The following SEMA3A variants were observed in gnomAD, a reference collection of about 807,000 sequenced individuals.
The protein encoded by SEMA3A is semaphorin 3A.
In SEMA3A, 29 loss-of-function variants were observed where a neutral mutation model predicts 97.9. That is an observed-to-expected ratio of 0.30 (90% CI 0.22 to 0.40). The LOEUF (loss-of-function observed/expected upper bound fraction) is 0.40, where lower values mean the gene tolerates loss of function less well. Among genes scored for constraint, SEMA3A ranks in the 10% least tolerant of loss-of-function variants. SEMA3A has a pLI of 1.00. For missense variants in SEMA3A, 763 were observed against 951.3 expected (o/e 0.80, Z 2.60); for synonymous variants, 321 against 323.7 (o/e 0.99, Z 0.09).
chr7:84,478,492 TA>T (rs1229689256), intron 1 of SEMA3A, among the ~76,000 whole-genome samples: 2 of 152,246 alleles, frequency 1.3e-5, no homozygotes, highest in South Asian at 4.1e-4. Context: ...AACCATGATA[TA>T]AAAAATACAA....
At chr7:84,159,985 G>A (rs2116159612) in intron 1 of SEMA3A, among the ~76,000 whole-genome samples, 1 of 152,190 alleles carries the variant, frequency 6.6e-6, no homozygotes, top group South Asian at 2.1e-4. Flanking sequence ...TTTCACACCA[G>A]AAGGAATAAA....
At chr7:84,322,271 T>C (rs1228873848) in intron 2 of SEMA3A, among the ~76,000 whole-genome samples, 3 of 152,034 alleles carry the variant, frequency 2.0e-5, no homozygotes, top group Admixed American at 6.6e-5. Flanking sequence ...ACTTACTCCA[T>C]AGTGTTGTGA....
intron 12 of SEMA3A, among the ~76,000 whole-genome samples, chr7:83,986,942 T>C (rs1789656072): frequency 6.8e-6 from 1 of 148,098 alleles, no homozygotes; most frequent in African/African-American, 2.5e-5. Flanking sequence ...AAATCTCTCT[T>C]TCCTCTCTTC....
rs370391267 is a variant in SEMA3A at position 84,007,341 on chromosome 7, T to G, written c.1140+12A>C. 505 of 1,588,940 alleles carry G rather than the reference T, an allele frequency of 3.2e-4. No individual in the cohort carries two copies. Among genetic ancestry groups the G allele is most frequent in the Non-Finnish European group, 4.1e-4 (474 of 1,168,472 alleles). Reference sequence around the variant, plus strand: ...ATATTCATTTCATATTTTAAACACCTAAGCTACTTACAGTTCCTGGCCGTG... The same window carrying G: ...ATATTCATTTCATATTTTAAACACCGAAGCTACTTACAGTTCCTGGCCGTG... On this transcript the variant is annotated intron_variant, in intron 10 of 16. Coordinates refer to ENST00000265362, the MANE Select transcript of SEMA3A (RefSeq NM_006080.3).
In SEMA3A at chr7:83,994,691, G is replaced by A. The variant is rs542331801; in HGVS notation, c.1452+7264C>T. 3.8e-3 allele frequency among the ~76,000 whole-genome samples: 570 copies of A among 148,464 alleles called. 8 individuals are homozygous for A. Among genetic ancestry groups the A allele is most frequent in the African/African-American group, 0.014 (546 of 39,984 alleles). ...TGCCCGTTCTCAGATCTCCAGCTGC[G>A]TGCTGGGAGAACCACTGCTCTCTTC... On this transcript the variant is annotated intron_variant, in intron 12 of 16. Transcript: ENST00000265362.
intron 1 of SEMA3A, among the ~76,000 whole-genome samples, chr7:84,423,773 C>T (rs1348123278): frequency 1.3e-5 from 2 of 151,688 alleles, no homozygotes; most frequent in African/African-American, 4.8e-5. Context: ...GGAATAACAT[C>T]CAGAATCTAC....
intron 13 of SEMA3A, among the ~76,000 whole-genome samples, chr7:83,983,088 T>C (rs915160495): frequency 1.3e-5 from 2 of 152,094 alleles, no homozygotes; most frequent in Non-Finnish European, 2.9e-5. Flanking sequence ...TTTATTATAG[T>C]ATTGAATTTT....
At chr7:83,997,672 A>G (rs919647401) in intron 12 of SEMA3A, among the ~76,000 whole-genome samples, 1 of 152,180 alleles carries the variant, frequency 6.6e-6, no homozygotes, top group African/African-American at 2.4e-5. Flanking sequence ...TAAAGTCCTA[A>G]ACAAGCATTT....
At chr7:84,039,862 C>G (rs913472312) in intron 6 of SEMA3A, among the ~76,000 whole-genome samples, 1 of 151,858 alleles carries the variant, frequency 6.6e-6, no homozygotes, top group Non-Finnish European at 1.5e-5. Context: ...GACACAATTT[C>G]TAGGTATAAT....
At chr7:84,372,466 T>C (rs1023075230) in intron 1 of SEMA3A, among the ~76,000 whole-genome samples, 2 of 152,082 alleles carry the variant, frequency 1.3e-5, no homozygotes, top group African/African-American at 4.8e-5. Flanking sequence ...ACAGTTATCA[T>C]GCTTATGTGA....
At chr7:84,254,796 A>C (rs1053562567) in intron 3 of SEMA3A, among the ~76,000 whole-genome samples, 3 of 152,112 alleles carry the variant, frequency 2.0e-5, no homozygotes, top group African/African-American at 7.2e-5. Flanking sequence ...TGACTTTTAT[A>C]ATCATGGATT....
intron 3 of SEMA3A, among the ~76,000 whole-genome samples, chr7:84,291,456 A>T (rs1800743915): frequency 6.6e-6 from 1 of 152,076 alleles, no homozygotes; most frequent in Admixed American, 6.6e-5. Context: ...AATTTATTTT[A>T]CTGAATTCCT....
intron 3 of SEMA3A, among the ~76,000 whole-genome samples, chr7:84,213,796 T>C (rs1367875650): frequency 6.6e-6 from 1 of 152,232 alleles, no homozygotes; most frequent in African/African-American, 2.4e-5. Context: ...TAATTTATTA[T>C]GCTTGTCTTA....
At chr7:84,464,871 A>G (rs914977265) in intron 1 of SEMA3A, among the ~76,000 whole-genome samples, 1 of 152,178 alleles carries the variant, frequency 6.6e-6, no homozygotes, top group Non-Finnish European at 1.5e-5. Context: ...AATCAGGAGC[A>G]TGTATTCCTA....
At chr7:83,990,698 A>T (rs1192147625) in intron 12 of SEMA3A, among the ~76,000 whole-genome samples, 1 of 123,846 alleles carries the variant, frequency 8.1e-6, no homozygotes, top group Non-Finnish European at 1.7e-5. Flanking sequence ...TGGTACCAGT[A>T]CCATGCTGTT....
At chr7:84,401,091 G>C (rs1174154241) in intron 1 of SEMA3A, among the ~76,000 whole-genome samples, 1 of 152,156 alleles carries the variant, frequency 6.6e-6, no homozygotes, top group Non-Finnish European at 1.5e-5. Context: ...TGTCCTTGCA[G>C]ATGACATTAT....
At chr7:84,461,224 T>C (rs968208951) in intron 1 of SEMA3A, among the ~76,000 whole-genome samples, 1 of 152,286 alleles carries the variant, frequency 6.6e-6, no homozygotes, top group East Asian at 1.9e-4. Flanking sequence ...ATGTTCTTAG[T>C]AAGCAGTCTG....
At chr7:84,254,252 A>G (rs1022998453) in intron 3 of SEMA3A, among the ~76,000 whole-genome samples, 3 of 152,204 alleles carry the variant, frequency 2.0e-5, no homozygotes, top group African/African-American at 7.2e-5. Flanking sequence ...GATGAGGTCA[A>G]GGAACTGAAA....
At chr7:84,113,015 A>T (rs1444565879) in intron 3 of SEMA3A, among the ~76,000 whole-genome samples, 1 of 152,224 alleles carries the variant, frequency 6.6e-6, no homozygotes, top group Admixed American at 6.5e-5. Flanking sequence ...CCCAGTTGGC[A>T]GCAGGTTGTA....
Sources: gnomAD v4.1 joint callset for allele counts (sites outside exome capture counted in the v4.1 genomes callset) on GRCh38, gnomAD v4.1.1 for gene constraint, MANE v1.5 for transcripts, NCBI Gene and HGNC (gene_info 2026-07-23, HGNC 2026-07-21) for gene names.